Variants in GPHN observed in about 807,000 individuals in gnomAD.
GPHN encodes gephyrin.
In GPHN, 17 loss-of-function variants were observed where a neutral mutation model predicts 95.5. The ratio of observed to expected loss-of-function variants is 0.18; its 90% CI spans 0.12 to 0.27. The LOEUF is 0.27. Among genes scored for constraint, GPHN ranks in the 10% least tolerant of loss-of-function variants. The pLI, the probability that GPHN is intolerant of heterozygous loss-of-function variation, is 1.00. For missense variants in GPHN, 660 were observed against 978.1 expected (o/e 0.67, Z 4.34); for synonymous variants, 320 against 322.5 (o/e 0.99, Z 0.08).
intron 2 of GPHN, among the ~76,000 whole-genome samples, chr14:66,708,331 A>G (rs772626772): frequency 4.6e-5 from 7 of 152,166 alleles, no homozygotes; most frequent in African/African-American, 7.2e-5. Context: ...AAAATGAGAG[A>G]AAACCTCATA....
At chr14:66,605,111 C>T (rs2062457078) in intron 1 of GPHN, among the ~76,000 whole-genome samples, 1 of 151,940 alleles carries the variant, frequency 6.6e-6, no homozygotes, top group African/African-American at 2.4e-5. Flanking sequence ...TCGATGGGCA[C>T]CTAGGTTGAT....
At chr14:67,144,558 C>A (rs2080785545) in intron 18 of GPHN, among the ~76,000 whole-genome samples, 1 of 151,932 alleles carries the variant, frequency 6.6e-6, no homozygotes, top group Non-Finnish European at 1.5e-5. Flanking sequence ...TGTTTTCTCT[C>A]ACATTAATGA....
At chr14:67,669,150 TA>T in the GPHN span, among the ~76,000 whole-genome samples, 1 of 152,202 alleles carries the variant, frequency 6.6e-6, no homozygotes, top group Non-Finnish European at 1.5e-5. Flanking sequence ...TGGGTTAAAG[TA>T]ACCTGTCCAA....
the GPHN span, among the ~76,000 whole-genome samples, chr14:67,510,857 A>G: frequency 6.6e-6 from 1 of 152,152 alleles, no homozygotes; most frequent in African/African-American, 2.4e-5. Context: ...AATGGCAGTT[A>G]TTGTCAGCAA....
intron 21 of GPHN, among the ~76,000 whole-genome samples, chr14:67,174,939 G>C (rs372820375): frequency 2.0e-5 from 3 of 151,850 alleles, no homozygotes; most frequent in Non-Finnish European, 2.9e-5. Flanking sequence ...TTTTTTTCTT[G>C]GAAATTTGTT....
intron 3 of GPHN, among the ~76,000 whole-genome samples, chr14:66,818,225 A>T (rs1042208449): frequency 3.9e-5 from 6 of 151,978 alleles, no homozygotes; most frequent in African/African-American, 7.2e-5. Context: ...TAAGCCTAGT[A>T]CCCATTAGTT....
chr14:66,622,185 A>G (rs1245509945), intron 1 of GPHN, among the ~76,000 whole-genome samples: 2 of 152,098 alleles, frequency 1.3e-5, no homozygotes, highest in African/African-American at 4.8e-5. Flanking sequence ...TCAACACCAC[A>G]TGAAAGCTGC....
intron 10 of GPHN, among the ~76,000 whole-genome samples, chr14:67,055,845 G>A (rs748926210): frequency 6.6e-6 from 1 of 152,170 alleles, no homozygotes; most frequent in Non-Finnish European, 1.5e-5. Flanking sequence ...TCTTCCTTCT[G>A]GTGGGTTCGT....
At chr14:67,016,356 A>T (rs994245754) in intron 9 of GPHN, among the ~76,000 whole-genome samples, 2 of 152,116 alleles carry the variant, frequency 1.3e-5, no homozygotes, top group African/African-American at 4.8e-5. Flanking sequence ...TTTTAAATGC[A>T]TTAAATAACA....
At chr14:67,548,996 G>A in the GPHN span, among the ~76,000 whole-genome samples, 2 of 152,194 alleles carry the variant, frequency 1.3e-5, no homozygotes, top group African/African-American at 2.4e-5. Context: ...ATTATACAGA[G>A]GCAGCAGTTC....
chr14:67,088,838 C>A (rs1009283020), intron 11 of GPHN, 145 bp from the exon 12 acceptor site: 11 of 678,262 alleles, frequency 1.6e-5, no homozygotes, highest in African/African-American at 7.1e-5. Flanking sequence ...CTTCTATCTC[C>A]TGTTTCTTGG....
chr14:66,682,349 A>G (rs1207258551), intron 2 of GPHN, among the ~76,000 whole-genome samples: 3 of 152,210 alleles, frequency 2.0e-5, no homozygotes, highest in Non-Finnish European at 4.4e-5. Context: ...TTAGGATGTA[A>G]ATATACCTAG....
intron 11 of GPHN, among the ~76,000 whole-genome samples, chr14:67,072,977 T>A (rs1669474229): frequency 6.6e-6 from 1 of 152,158 alleles, no homozygotes; most frequent in Admixed American, 6.5e-5. Context: ...TATTGGTATG[T>A]ATTTCTTCTT....
chr14:67,690,023 CAG>C, the GPHN span: 11 of 572,320 alleles, frequency 1.9e-5, no homozygotes, highest in Admixed American at 1.2e-4. Context: ...GACTCAAAGT[CAG>C]AGTCTCACTG....
chr14:67,340,534 A>C, the GPHN span: 1 of 1,604,516 alleles, frequency 6.2e-7, no homozygotes, highest in Non-Finnish European at 8.5e-7. Context: ...ATAAAAAAAA[A>C]AATAATATGT....
chr14:67,642,305 G>T, the GPHN span: 1 of 1,614,122 alleles, frequency 6.2e-7, no homozygotes, highest in African/African-American at 1.3e-5. Flanking sequence ...ACTGGCTGAG[G>T]TGGTTAGCAG....
chr14:66,715,137 T>C (rs563284993), intron 2 of GPHN, among the ~76,000 whole-genome samples: 2 of 152,194 alleles, frequency 1.3e-5, no homozygotes, highest in Admixed American at 6.5e-5. Flanking sequence ...ATTTTTAAAT[T>C]ACTGTTTCAG....
At chr14:67,159,867 G>T (rs1400674339) in intron 19 of GPHN, among the ~76,000 whole-genome samples, 2 of 151,900 alleles carry the variant, frequency 1.3e-5, no homozygotes, top group African/African-American at 4.8e-5. Context: ...ACCCCACCCT[G>T]CCTTTTAGTT....
intron 20 of GPHN, among the ~76,000 whole-genome samples, chr14:67,168,306 C>T (rs916051363): frequency 1.3e-5 from 2 of 152,130 alleles, no homozygotes; most frequent in Non-Finnish European, 2.9e-5. Flanking sequence ...TCTTTATGAC[C>T]TTATTTACCT....
Sources: gnomAD v4.1 joint callset for allele counts (sites outside exome capture counted in the v4.1 genomes callset) on GRCh38, gnomAD v4.1.1 for gene constraint, MANE v1.5 for transcripts, NCBI Gene and HGNC (gene_info 2026-07-23, HGNC 2026-07-21) for gene names.